The following CLEC4A variants were observed in gnomAD, a reference collection of about 807,000 sequenced individuals.
CLEC4A encodes the protein C-type (calcium dependent, carbohydrate-recognition domain) lectin, superfamily member 6.
Under a neutral mutation model 32.7 loss-of-function variants are expected in CLEC4A, and 27 were observed. The observed-to-expected ratio is 0.83, with a 90% CI of 0.61 to 1.14. The LOEUF is 1.14. Among genes scored for constraint, CLEC4A ranks in the 50% most tolerant of loss-of-function variants. The pLI is 0.00. For synonymous variants in CLEC4A, 89 were observed against 93.7 expected (o/e 0.95, Z 0.29); for missense variants, 253 against 274.6 (o/e 0.92, Z 0.55).
the CLEC4A span, among the ~76,000 whole-genome samples, chr12:8,114,219 T>C: frequency 6.6e-6 from 1 of 152,164 alleles, no homozygotes; most frequent in East Asian, 1.9e-4. Context: ...TTTGACGTAC[T>C]TGCATTAATG....
the CLEC4A span, among the ~76,000 whole-genome samples, chr12:8,105,380 G>A: frequency 6.8e-6 from 1 of 147,150 alleles, no homozygotes; most frequent in Non-Finnish European, 1.5e-5. Flanking sequence ...ATGGAGTTTC[G>A]CTCTTGTCAC....
rs1200469589 is a variant in CLEC4A at position 8,135,040 on chromosome 12, TTATTATC to T, written c.299-543_299-537del. The stretch of plus-strand genomic sequence containing the variant: ...TCTTTGTCAGATAATTCTAACAATT[TTATTATC>T]TTTTTTTTTTTTTTTTTTTTTTGAG... On this transcript the variant is annotated intron_variant, in intron 3 of 5. Coordinates refer to ENST00000229332, the MANE Select transcript of CLEC4A (RefSeq NM_016184.4). 4.3e-4 allele frequency among the ~76,000 whole-genome samples: 39 copies of T among 91,164 alleles called. 1 individual carries two copies. The highest frequency in any genetic ancestry group is 6.1e-4 in the Non-Finnish European group (28 of 45,702). 59.8% of individuals were successfully genotyped at this position (91,164 alleles called of 152,430 possible). A position where few individuals can be genotyped will look rare whatever the true frequency, so the allele number is the denominator to read the frequency against.
chr12:8,112,165 T>C, the CLEC4A span, among the ~76,000 whole-genome samples: 14 of 152,058 alleles, frequency 9.2e-5, no homozygotes, highest in African/African-American at 3.4e-4. Flanking sequence ...ATGGGGTTTC[T>C]CCATGTTGGT....
chr12:8,106,927 A>G, the CLEC4A span, among the ~76,000 whole-genome samples: 4 of 152,096 alleles, frequency 2.6e-5, no homozygotes, highest in Non-Finnish European at 5.9e-5. Flanking sequence ...AGGAATGGTG[A>G]GAGTAGGTAT....
the CLEC4A span, among the ~76,000 whole-genome samples, chr12:8,114,250 C>CT: frequency 3.2e-4 from 48 of 150,034 alleles, no homozygotes; most frequent in Admixed American, 9.3e-4. Context: ...TCCTTTATTT[C>CT]TTTTTTTTTT....
the CLEC4A span, among the ~76,000 whole-genome samples, chr12:8,107,145 GT>G: frequency 5.3e-4 from 81 of 152,236 alleles, no homozygotes; most frequent in African/African-American, 1.9e-3. Flanking sequence ...TGTGGCTTTT[GT>G]TTTTAGTTTT....
chr12:8,138,077 T>C (rs761633843), intron 5 of CLEC4A, 63 bp from the exon 6 acceptor site: 333 of 1,530,342 alleles, frequency 2.2e-4, no homozygotes, highest in Non-Finnish European at 2.8e-4. Flanking sequence ...TCCTCACCCC[T>C]GTCTCTAACC....
At chr12:8,131,798 G>A (rs1947999898) in intron 3 of CLEC4A, among the ~76,000 whole-genome samples, 2 of 143,466 alleles carry the variant, frequency 1.4e-5, no homozygotes, top group Admixed American at 7.5e-5. Context: ...AGTTATATCT[G>A]CATGTACTCA....
intron 1 of CLEC4A, among the ~76,000 whole-genome samples, chr12:8,124,431 A>G (rs1364466185): frequency 2.6e-5 from 4 of 152,188 alleles, no homozygotes; most frequent in Non-Finnish European, 1.5e-5. Flanking sequence ...ATGGAAATGT[A>G]ACAAAAGGCC....
chr12:8,125,708 A>G lies in CLEC4A; in HGVS notation c.199+31A>G, dbSNP rs368276318. On this transcript the variant is annotated intron_variant, in intron 2 of 5. Transcript: ENST00000229332. ...TATGCCAACTGAACCAATAAGCAAT[A>G]TCTGCTGTCCATGAACAGAGGGTAT... 7.8e-6 allele frequency: 10 copies of G among 1,280,484 alleles called. No homozygotes were observed. The African/African-American group carries it at 1.5e-4, about 19-fold the overall frequency. 79.3% of individuals were successfully genotyped at this position (1,280,484 alleles called of 1,614,324 possible).
the CLEC4A span, among the ~76,000 whole-genome samples, chr12:8,108,990 C>A: frequency 6.6e-6 from 1 of 152,156 alleles, no homozygotes; most frequent in East Asian, 1.9e-4. Flanking sequence ...TATTAGCATG[C>A]GACCACTAGA....
intron 2 of CLEC4A, among the ~76,000 whole-genome samples, chr12:8,126,591 A>C (rs1451263027): frequency 1.3e-5 from 2 of 152,184 alleles, no homozygotes; most frequent in Non-Finnish European, 2.9e-5. Flanking sequence ...TGGTCATTTC[A>C]TAAGTATTGT....
chr12:8,109,157 G>C, the CLEC4A span, among the ~76,000 whole-genome samples: 1 of 152,176 alleles, frequency 6.6e-6, no homozygotes, highest in Non-Finnish European at 1.5e-5. Context: ...AATGAAGACT[G>C]GATGGGGGCA....
Position 8,135,521 on chromosome 12 carries a change from T to C in CLEC4A, c.299-64T>C, listed in dbSNP as rs755182723. ...GCTCTCTCTTGGCTCTTAATTTTAA[T>C]AATACACACACTTTTAAGAGTGATT... is the stretch of plus-strand genomic sequence containing the variant. On this transcript the variant is annotated intron_variant, in intron 3 of 5. Coordinates refer to ENST00000229332, the MANE Select transcript of CLEC4A (RefSeq NM_016184.4). 6.5e-6 allele frequency: 10 copies of C among 1,534,968 alleles called. No homozygotes were observed. The South Asian group carries it at 1.2e-4, about 18-fold the overall frequency.
At position 8,129,266 on chromosome 12, in the gene CLEC4A, T is replaced by G. The variant is rs752388990; in HGVS notation, c.202T>G (p.Phe68Val). Reference protein sequence around the residue: ...AISFFIAFVIFFQKYSQLLEK... With the variant: ...AISFFIAFVIVFQKYSQLLEK... ...ATGGTCTTTATTCTCTTTTCCAGTT[T>G]TCTTTCAAAAATATTCTCAGCTTCT... Residue 68 changes from phenylalanine (F) to valine (V), a missense_variant and splice_region_variant, in exon 3 of 6, where the codon TTC becomes GTC. By Grantham distance (50) the Phe-to-Val change is conservative. Transcript: ENST00000229332. The G allele has an allele frequency of 6.6e-5, 105 of 1,583,052 alleles. No individual in the cohort carries two copies. Among genetic ancestry groups the G allele is most frequent in the Non-Finnish European group, 8.9e-5 (103 of 1,158,362 alleles).
the CLEC4A span, among the ~76,000 whole-genome samples, chr12:8,103,824 A>C: frequency 1.3e-5 from 2 of 152,120 alleles, no homozygotes; most frequent in African/African-American, 4.8e-5. Flanking sequence ...TACTTCATGA[A>C]ATGTTTACCT....
intron 1 of CLEC4A, among the ~76,000 whole-genome samples, chr12:8,124,859 T>A (rs1441800442): frequency 1.3e-5 from 2 of 152,208 alleles, no homozygotes; most frequent in Admixed American, 1.3e-4. Context: ...AATCATAATT[T>A]GCAATTTAGT....
chr12:8,137,200 A>AACCCGTATATT (rs1213153615), intron 5 of CLEC4A, among the ~76,000 whole-genome samples: 1 of 152,194 alleles, frequency 6.6e-6, no homozygotes, highest in Non-Finnish European at 1.5e-5. Flanking sequence ...CTGTGCTTTT[A>AACCCGTATATT]ACCCGTATAT....
intron 3 of CLEC4A, chr12:8,134,267 T>C (rs1350880046): frequency 8.7e-6 from 14 of 1,612,438 alleles, no homozygotes; most frequent in Non-Finnish European, 1.2e-5. Context: ...CTCACACATG[T>C]TCTTGAAGCT....
Sources: allele counts gnomAD v4.1 joint callset (sites outside exome capture counted in the v4.1 genomes callset), GRCh38; gene constraint gnomAD v4.1.1; transcripts MANE v1.5; gene names NCBI Gene and HGNC (gene_info 2026-07-23, HGNC 2026-07-21).